GRIN3A: variants seen among roughly 807,000 people sequenced by gnomAD.
The protein encoded by GRIN3A is glutamate receptor ionotropic, NMDA 3A.
Under a neutral mutation model 92.4 loss-of-function variants are expected in GRIN3A, and 47 were observed. The ratio of observed to expected loss-of-function variants is 0.51; its 90% CI spans 0.40 to 0.65. The LOEUF (loss-of-function observed/expected upper bound fraction) is 0.65. Ranked by LOEUF, GRIN3A falls within the 30% of genes least tolerant of loss-of-function variation. The pLI is 0.00. For missense variants in GRIN3A, 1,324 were observed against 1,393.1 expected (o/e 0.95, Z 0.79); for synonymous variants, 527 against 540.6 (o/e 0.97, Z 0.35).
rs1452089445 is a variant in GRIN3A at position 101,686,634 on chromosome 9, C to T, written c.1266G>A (p.Val422=). The T allele has an allele frequency of 1.9e-6, 3 of 1,613,968 alleles. No homozygotes were observed. The African/African-American group carries it at 4.0e-5, about 22-fold the overall frequency. The change falls in exon 2 of 9, where the codon GTG becomes GTA. Residue 422 remains valine, a synonymous_variant. Transcript: ENST00000361820. ...GTCCTGAAGTGAGATTTGTAGTTTCCACCTCCATGCAGTTCATCGTGCTGG... is the reference window on the plus strand; with the variant it reads ...GTCCTGAAGTGAGATTTGTAGTTTCTACCTCCATGCAGTTCATCGTGCTGG... The part of the protein sequence containing the change: ...LIPSTMNCME[V]ETTNLTSGQY...
chr9:101,646,037 T>C (rs2118908719), intron 3 of GRIN3A, among the ~76,000 whole-genome samples: 1 of 151,936 alleles, frequency 6.6e-6, no homozygotes, highest in Admixed American at 6.6e-5. Context: ...GCTATATTGA[T>C]TTATTTTTAT....
At chr9:101,578,388 G>A (rs1035250332) in intron 7 of GRIN3A, among the ~76,000 whole-genome samples, 4 of 152,086 alleles carry the variant, frequency 2.6e-5, no homozygotes, top group South Asian at 2.1e-4. Context: ...AAAGTGAGGA[G>A]TTTAGTATGA....
intron 1 of GRIN3A, among the ~76,000 whole-genome samples, chr9:101,710,248 C>A (rs891772120): frequency 2.6e-5 from 4 of 152,140 alleles, no homozygotes; most frequent in African/African-American, 9.7e-5. Context: ...TAAGTCTCAA[C>A]TATCAAAAAA....
chr9:101,682,594 A>G (rs1482402667), intron 2 of GRIN3A, among the ~76,000 whole-genome samples: 1 of 152,250 alleles, frequency 6.6e-6, no homozygotes, highest in Non-Finnish European at 1.5e-5. Context: ...ACACATGGTC[A>G]TTGGCTAGGC....
At position 101,613,534 on chromosome 9, in the gene GRIN3A, G is replaced by C; in HGVS notation, c.2615-7C>G. 3.1e-6 allele frequency: 5 copies of C among 1,613,996 alleles called. No individual in the cohort carries two copies. Among genetic ancestry groups the C allele is most frequent in the Non-Finnish European group, 4.2e-6 (5 of 1,179,906 alleles). ...GGGAGGCCAATGCCGTATCCTAGAA[G>C]AAAATACAATCTCAGATGAGTTTTT... On this transcript the variant is annotated splice_polypyrimidine_tract_variant and splice_region_variant and intron_variant, in intron 5 of 8. Coordinates refer to ENST00000361820, the MANE Select transcript of GRIN3A (RefSeq NM_133445.3).
At chr9:101,703,684 T>C (rs529775447) in intron 1 of GRIN3A, among the ~76,000 whole-genome samples, 2 of 152,228 alleles carry the variant, frequency 1.3e-5, no homozygotes, top group Non-Finnish European at 2.9e-5. Flanking sequence ...CTCTGTATCA[T>C]GCATTAAAAT....
intron 3 of GRIN3A, among the ~76,000 whole-genome samples, chr9:101,649,998 G>A (rs576107102): frequency 1.3e-5 from 2 of 152,164 alleles, no homozygotes; most frequent in South Asian, 2.1e-4. Flanking sequence ...AATAGGAGTT[G>A]AAACTTAAAT....
At chr9:101,729,182 T>C (rs1350017012) in intron 1 of GRIN3A, among the ~76,000 whole-genome samples, 1 of 152,184 alleles carries the variant, frequency 6.6e-6, no homozygotes, top group African/African-American at 2.4e-5. Flanking sequence ...CAGATCCCTT[T>C]CTATCTTTTT....
intron 6 of GRIN3A, among the ~76,000 whole-genome samples, chr9:101,608,376 G>A (rs1828314019): frequency 6.6e-6 from 1 of 152,148 alleles, no homozygotes; most frequent in African/African-American, 2.4e-5. Context: ...ACTACATCTA[G>A]AATTTCCCAA....
At chr9:101,732,962 T>C (rs1830158735) in intron 1 of GRIN3A, among the ~76,000 whole-genome samples, 1 of 152,266 alleles carries the variant, frequency 6.6e-6, no homozygotes, top group Admixed American at 6.5e-5. Flanking sequence ...TTGGGAACAT[T>C]TTGGCCACTA....
intron 1 of GRIN3A, among the ~76,000 whole-genome samples, chr9:101,701,852 C>A (rs1829759458): frequency 6.6e-6 from 1 of 152,094 alleles, no homozygotes; most frequent in Non-Finnish European, 1.5e-5. Flanking sequence ...TCCCCAATGA[C>A]CTTGTTCTGG....
chr9:101,732,080 ATT>A (rs1281566870), intron 1 of GRIN3A, among the ~76,000 whole-genome samples: 2 of 152,210 alleles, frequency 1.3e-5, no homozygotes, highest in Non-Finnish European at 2.9e-5. Context: ...TCATCTCTAT[ATT>A]TACTGTTGCC....
At chr9:101,632,388 A>G (rs1828726989) in intron 3 of GRIN3A, among the ~76,000 whole-genome samples, 1 of 152,196 alleles carries the variant, frequency 6.6e-6, no homozygotes. Context: ...TGTGGTTGTA[A>G]GTCTTCAACA....
Position 101,628,114 on chromosome 9 carries a change from T to C in GRIN3A, c.2498+142A>G, listed in dbSNP as rs886480004. ...CACTATTTCACACCATCTCCTGGGA[T>C]CTCACACAGTGTAAAGTATTACTTA... On this transcript the variant is annotated intron_variant, in intron 4 of 8. Coordinates refer to ENST00000361820, the MANE Select transcript of GRIN3A (RefSeq NM_133445.3). The C allele has an allele frequency of 6.9e-6, 5 of 729,092 alleles. No homozygotes were observed. In the African/African-American group the frequency reaches 8.8e-5, roughly 13 times the overall value. 45.2% of individuals were successfully genotyped at this position (729,092 alleles called of 1,614,324 possible).
At chr9:101,735,547 G>A (rs1026953298) in intron 1 of GRIN3A, among the ~76,000 whole-genome samples, 1 of 151,786 alleles carries the variant, frequency 6.6e-6, no homozygotes, top group Non-Finnish European at 1.5e-5. Context: ...ACGAATTTTG[G>A]TGAAAAATTC....
At chr9:101,685,493 T>C (rs1237852928) in intron 2 of GRIN3A, among the ~76,000 whole-genome samples, 1 of 151,920 alleles carries the variant, frequency 6.6e-6, no homozygotes, top group Non-Finnish European at 1.5e-5. Flanking sequence ...AATAATAATC[T>C]TCTGACTTGG....
chr9:101,576,734 C>T (rs1183067362), intron 8 of GRIN3A, among the ~76,000 whole-genome samples: 1 of 152,012 alleles, frequency 6.6e-6, no homozygotes, highest in Non-Finnish European at 1.5e-5. Flanking sequence ...CAATATGATG[C>T]AGGAATACCA....
chr9:101,632,765 T>C (rs941145781), intron 3 of GRIN3A, among the ~76,000 whole-genome samples: 1 of 152,126 alleles, frequency 6.6e-6, no homozygotes, highest in Non-Finnish European at 1.5e-5. Context: ...GCCAGGATGG[T>C]CTACCCTGTG....
At chr9:101,595,319 C>CG (rs1554716242) in intron 6 of GRIN3A, among the ~76,000 whole-genome samples, 5 of 146,904 alleles carry the variant, frequency 3.4e-5, no homozygotes, top group Admixed American at 2.0e-4. Context: ...CTACTTATTT[C>CG]TTTTTTTTTT....
Sources: allele counts gnomAD v4.1 joint callset (sites outside exome capture counted in the v4.1 genomes callset), GRCh38; gene constraint gnomAD v4.1.1; transcripts MANE v1.5; gene names NCBI Gene and HGNC (gene_info 2026-07-23, HGNC 2026-07-21).